Variants in PDE3B observed in about 807,000 individuals in gnomAD.
PDE3B encodes cGMP-inhibited 3',5'-cyclic phosphodiesterase 3B.
A neutral mutation model predicts 116.8 loss-of-function variants in PDE3B; 66 were observed. The observed-to-expected ratio is 0.56, with a 90% confidence interval of 0.46 to 0.69. PDE3B has a LOEUF of 0.69. Among genes scored for constraint, PDE3B ranks in the 30% least tolerant of loss-of-function variants. The pLI is 0.00. For missense variants in PDE3B, 1,384 were observed against 1,368.1 expected, an observed-to-expected ratio of 1.01 and a Z score of -0.18; for synonymous variants, 595 against 533.6, an observed-to-expected ratio of 1.12 and a Z score of -1.59.
At chr11:14,883,765 A>C in the PDE3B span, among the ~76,000 whole-genome samples, 10 of 152,188 alleles carry the variant, frequency 6.6e-5, no homozygotes, top group African/African-American at 2.4e-4. Context: ...AAATGGGAGA[A>C]AATTTTTGCA....
chr11:14,808,638 C>T (rs528897676), intron 5 of PDE3B, among the ~76,000 whole-genome samples: 3 of 149,878 alleles, frequency 2.0e-5, no homozygotes, highest in Non-Finnish European at 1.5e-5. Flanking sequence ...TATGTAAAAT[C>T]CTAAGAAATT....
At chr11:14,833,417 T>C (rs1859959826) in intron 10 of PDE3B, among the ~76,000 whole-genome samples, 1 of 152,224 alleles carries the variant, frequency 6.6e-6, no homozygotes, top group South Asian at 2.1e-4. Context: ...ATAATATTGA[T>C]ACATATTTAT....
At chr11:14,868,444 G>C (rs1353319449) in intron 15 of PDE3B, among the ~76,000 whole-genome samples, 9 of 152,132 alleles carry the variant, frequency 5.9e-5, no homozygotes, top group African/African-American at 2.2e-4. Flanking sequence ...TGGGGGGGAG[G>C]GGGGAAGGAA....
chr11:14,650,765 A>G lies in PDE3B; in HGVS notation c.978+5712A>G, dbSNP rs191998169. Among the ~76,000 whole-genome samples, 356 of 152,130 alleles carry G rather than the reference A, an allele frequency of 2.3e-3. 3 individuals carry two copies. Among genetic ancestry groups the G allele is most frequent in the South Asian group, 6.7e-3 (32 of 4,812 alleles). ...CGAGATTACTCAACCCATCTTTGCTAGCTTTGGTGATGAAAGAAGGGGACC... is the reference window on the plus strand; with the variant it reads ...CGAGATTACTCAACCCATCTTTGCTGGCTTTGGTGATGAAAGAAGGGGACC... On this transcript the variant is annotated intron_variant, in intron 1 of 15. Transcript: ENST00000282096.
intron 1 of PDE3B, among the ~76,000 whole-genome samples, chr11:14,651,052 C>G (rs907804374): frequency 3.9e-5 from 6 of 152,072 alleles, no homozygotes; most frequent in African/African-American, 1.4e-4. Context: ...GTGGCTTGAA[C>G]AGCAGAAATG....
intron 1 of PDE3B, among the ~76,000 whole-genome samples, chr11:14,732,425 C>T (rs1856483454): frequency 6.6e-6 from 1 of 151,994 alleles, no homozygotes; most frequent in South Asian, 2.1e-4. Context: ...AATTGAGAAC[C>T]GTGGCTTTAG....
chr11:14,737,341 G>A (rs1341913844), intron 1 of PDE3B, among the ~76,000 whole-genome samples: 1 of 152,106 alleles, frequency 6.6e-6, no homozygotes, highest in Non-Finnish European at 1.5e-5. Context: ...CTACAGGCAG[G>A]CGCCCTGCCA....
At chr11:14,667,937 G>A (rs1165624447) in intron 1 of PDE3B, among the ~76,000 whole-genome samples, 1 of 151,722 alleles carries the variant, frequency 6.6e-6, no homozygotes, top group Non-Finnish European at 1.5e-5. Flanking sequence ...TATTGAATGG[G>A]TAAATATCAC....
intron 1 of PDE3B, among the ~76,000 whole-genome samples, chr11:14,692,224 T>C (rs1193713777): frequency 6.6e-6 from 1 of 152,092 alleles, no homozygotes; most frequent in Non-Finnish European, 1.5e-5. Context: ...CAGTAAGCTA[T>C]GACCATGCCA....
chr11:14,855,278 A>G (rs782346324), intron 12 of PDE3B, among the ~76,000 whole-genome samples: 32 of 152,136 alleles, frequency 2.1e-4, no homozygotes, highest in Non-Finnish European at 3.8e-4. Flanking sequence ...GGAAAGTTGA[A>G]TAGAGAAAAA....
chr11:14,659,891 A>T (rs537241444), intron 1 of PDE3B, among the ~76,000 whole-genome samples: 1 of 152,364 alleles, frequency 6.6e-6, no homozygotes, highest in African/African-American at 2.4e-5. Context: ...CATTTTAAAA[A>T]TTAGTAAACA....
At chr11:14,804,360 AT>A (rs371822867) in intron 5 of PDE3B, among the ~76,000 whole-genome samples, 1,663 of 148,436 alleles carry the variant, frequency 0.011, 21 homozygotes, top group South Asian at 0.02. Flanking sequence ...AAGAAAGAGT[AT>A]TTTTTTTTTT....
chr11:14,675,725 G>A (rs1238800201), intron 1 of PDE3B, among the ~76,000 whole-genome samples: 3 of 152,038 alleles, frequency 2.0e-5, no homozygotes, highest in Admixed American at 6.6e-5. Flanking sequence ...TTCCCTGAAT[G>A]AATATATTTT....
At chr11:14,883,084 A>G in the PDE3B span, among the ~76,000 whole-genome samples, 3 of 152,214 alleles carry the variant, frequency 2.0e-5, no homozygotes, top group Admixed American at 1.3e-4. Flanking sequence ...GGAGGAATCA[A>G]TATCATGAAA....
chr11:14,696,375 A>G (rs1043115993), intron 1 of PDE3B, among the ~76,000 whole-genome samples: 2 of 152,112 alleles, frequency 1.3e-5, no homozygotes, highest in African/African-American at 4.8e-5. Context: ...AGAAACTCCA[A>G]GCAGTTTCCC....
the PDE3B span, among the ~76,000 whole-genome samples, chr11:14,888,826 T>C: frequency 6.6e-6 from 1 of 152,230 alleles, no homozygotes; most frequent in African/African-American, 2.4e-5. Flanking sequence ...TCAATTCTAC[T>C]TGCTTTAATG....
intron 1 of PDE3B, among the ~76,000 whole-genome samples, chr11:14,709,839 A>T: frequency 6.6e-6 from 1 of 152,306 alleles, no homozygotes; most frequent in Non-Finnish European, 1.5e-5. Context: ...AATAATGGTG[A>T]TAAAAATACT....
At chr11:14,796,153 G>T (rs947928708) in intron 4 of PDE3B, among the ~76,000 whole-genome samples, 2 of 152,098 alleles carry the variant, frequency 1.3e-5, no homozygotes, top group Non-Finnish European at 2.9e-5. Context: ...GTGATAGTTT[G>T]CTGAGAATGA....
chr11:14,646,603 G>A (rs1228842353), intron 1 of PDE3B, among the ~76,000 whole-genome samples: 1 of 152,134 alleles, frequency 6.6e-6, no homozygotes, highest in African/African-American at 2.4e-5. Flanking sequence ...TTTAACACTG[G>A]AAAATTGTTT....
Sources: gnomAD v4.1 joint callset for allele counts (sites outside exome capture counted in the v4.1 genomes callset) on GRCh38, gnomAD v4.1.1 for gene constraint, MANE v1.5 for transcripts, NCBI Gene and HGNC (gene_info 2026-07-23, HGNC 2026-07-21) for gene names.